Variants in ITGA5 observed in about 807,000 individuals in gnomAD.
ITGA5 encodes integrin subunit alpha 5.
Under a neutral mutation model 146.3 loss-of-function variants are expected in ITGA5, and 55 were observed. That is an observed-to-expected ratio of 0.38 (90% confidence interval 0.30 to 0.47). The LOEUF is 0.47. ITGA5 is among the 20% of genes least tolerant of loss of function. ITGA5 has a pLI of 0.99. For synonymous variants in ITGA5, 500 were observed against 531.8 expected (o/e 0.94, Z 0.82); for missense variants, 1,131 against 1,329.0 (o/e 0.85, Z 2.32).
chr12:54,403,896 G>A lies in ITGA5; in HGVS notation c.1621+15C>T, dbSNP rs368330900. ...TCTGTCCTAGGGCCTGAGAGATCCA[G>A]GCAGTCTCCCTCACCAATGGAGTCA... On this transcript the variant is annotated intron_variant, in intron 16 of 29. Transcript: ENST00000293379. This position sits in a 1 kb window ranked among gnomAD's most constrained non-coding sequence, Gnocchi z 4.9. The A allele has an allele frequency of 2.7e-5, 43 of 1,613,842 alleles. No homozygotes were observed. The highest frequency in any genetic ancestry group is 3.3e-5 in the Admixed American group (2 of 60,010).
Position 54,408,808 on chromosome 12 carries a change from G to A in ITGA5, c.646-7C>T. The A allele has an allele frequency of 6.2e-7, 1 of 1,613,972 alleles. No homozygotes were observed. Among genetic ancestry groups the A allele is most frequent in the Non-Finnish European group, 8.5e-7 (1 of 1,179,988 alleles). ...CTAAAACCACACGGCCAGTCTGTGG[G>A]TGAAAGGAGGGGAGTCCAACATCTG... On this transcript the variant is annotated splice_region_variant and splice_polypyrimidine_tract_variant and intron_variant, in intron 5 of 29. Transcript: ENST00000293379.
intron 27 of ITGA5, among the ~76,000 whole-genome samples, chr12:54,399,201 T>C (rs1955755329): frequency 6.6e-6 from 1 of 152,092 alleles, no homozygotes; most frequent in Admixed American, 6.5e-5. Flanking sequence ...AACTGAATAA[T>C]TGTAACTTGA....
At chr12:54,410,717 C>T (rs1356661664) in intron 2 of ITGA5, among the ~76,000 whole-genome samples, 1 of 150,412 alleles carries the variant, frequency 6.6e-6, no homozygotes, top group East Asian at 2.0e-4. Context: ...CACCACTATG[C>T]CTGGCTAATT....
Position 54,403,353 on chromosome 12 carries a change from T to G in ITGA5, c.1777-29A>C, listed in dbSNP as rs1236322294. ...GGGCCAGAGGAGAGAGTTCACGGAGTCAGGGGACTCTGGAGACTTAGTGGC... is the reference window on the plus strand; with the variant it reads ...GGGCCAGAGGAGAGAGTTCACGGAGGCAGGGGACTCTGGAGACTTAGTGGC... On this transcript the variant is annotated intron_variant, in intron 17 of 29. Transcript: ENST00000293379. The surrounding 1 kb of genome is among the most constrained non-coding windows in gnomAD (Gnocchi z 4.9). 1 of 1,501,162 alleles carries G rather than the reference T, an allele frequency of 6.7e-7. No individual in the cohort carries two copies. Among genetic ancestry groups the G allele is most frequent in the Non-Finnish European group, 8.9e-7 (1 of 1,125,088 alleles). The allele number at this position is 1,501,162 out of a possible 1,614,324, so 93.0% of individuals were successfully genotyped here. A position where few individuals can be genotyped will look rare whatever the true frequency, so the allele number is the denominator to read the frequency against.
intron 1 of ITGA5, among the ~76,000 whole-genome samples, chr12:54,414,936 G>A (rs530694796): frequency 6.6e-6 from 1 of 152,126 alleles, no homozygotes; most frequent in South Asian, 2.1e-4. Context: ...ATCACCTGAG[G>A]TCGGGAGTTT....
At position 54,403,337 on chromosome 12, in the gene ITGA5, G is replaced by A; in HGVS notation, c.1777-13C>T. 6.6e-7 allele frequency: 1 copy of A among 1,513,626 alleles called. No individual in the cohort carries two copies. 93.8% of individuals were successfully genotyped at this position (1,513,626 alleles called of 1,614,324 possible). On this transcript the variant is annotated splice_polypyrimidine_tract_variant and intron_variant, in intron 17 of 29. Coordinates refer to ENST00000293379, the MANE Select transcript of ITGA5 (RefSeq NM_002205.5). This position sits in a 1 kb window ranked among gnomAD's most constrained non-coding sequence, Gnocchi z 4.9. ...ATTCTGACTCGTTCTGGGGCCAGAG[G>A]AGAGAGTTCACGGAGTCAGGGGACT...
Position 54,401,888 on chromosome 12 carries a change from T to C in ITGA5, c.2227-33A>G. On this transcript the variant is annotated intron_variant, in intron 21 of 29. Transcript: ENST00000293379. The surrounding 1 kb of genome is among the most constrained non-coding windows in gnomAD (Gnocchi z 5.0). Reference sequence around the variant, plus strand: ...CAGAAAAAGAGGAAAAGAGGGCAGTTAGACTGTGTATTTCACCCTCCCTCC... The same window carrying C: ...CAGAAAAAGAGGAAAAGAGGGCAGTCAGACTGTGTATTTCACCCTCCCTCC... The C allele has an allele frequency of 4.4e-6, 7 of 1,608,752 alleles. No homozygotes were observed. Among genetic ancestry groups the C allele is most frequent in the Non-Finnish European group, 6.0e-6 (7 of 1,175,202 alleles).
At chr12:54,404,587 C>T (rs923146656) in intron 13 of ITGA5, 112 bp from the exon 14 acceptor site, 1 of 1,494,662 alleles carries the variant, frequency 6.7e-7, no homozygotes, top group African/African-American at 1.4e-5. Flanking sequence ...AGACAGCGCC[C>T]TCTGTTGGAA....
intron 1 of ITGA5, chr12:54,412,173 A>C (rs938867431): frequency 1.6e-5 from 7 of 433,328 alleles, no homozygotes; most frequent in South Asian, 8.4e-5. Context: ...CACTAACACA[A>C]CCCTCCCCTC....
At chr12:54,407,031 T>A (rs1021886295) in intron 9 of ITGA5, among the ~76,000 whole-genome samples, 1 of 152,202 alleles carries the variant, frequency 6.6e-6, no homozygotes, top group African/African-American at 2.4e-5. Context: ...TGTTCTCATA[T>A]GCAAAATACA....
chr12:54,403,202 G>C lies in ITGA5; in HGVS notation c.1899C>G (p.Ser633Arg). Residue 633 changes from serine (S) to arginine (R), a missense_variant, in exon 18 of 30, where the codon AGC becomes AGG. Coordinates refer to ENST00000293379, the MANE Select transcript of ITGA5 (RefSeq NM_002205.5). This position sits in a 1 kb window ranked among gnomAD's most constrained non-coding sequence, Gnocchi z 4.9. ...CTGTCCTCACCTTGTCCTCTATCCG[G>C]CTCTTGCTCTGATAATGTAGGGCTG... ...LRPALHYQSK[S>R]RIEDKAQILL... 1 of 1,559,636 alleles carries C rather than the reference G, an allele frequency of 6.4e-7. No individual in the cohort carries two copies. Among genetic ancestry groups the C allele is most frequent in the Admixed American group, 2.0e-5 (1 of 50,788 alleles).
intron 28 of ITGA5, among the ~76,000 whole-genome samples, chr12:54,398,082 G>A (rs1592282978): frequency 6.6e-6 from 1 of 152,152 alleles, no homozygotes; most frequent in South Asian, 2.1e-4. Context: ...ATTTTTTGTA[G>A]AGACAGGATC....
rs1309034830 is a variant in ITGA5, at chr12:54,405,248, A to T, written c.1143T>A (p.Leu381=). Residue 381 remains leucine, a synonymous_variant, in exon 12 of 30, where the codon CTT becomes CTA. Transcript: ENST00000293379. ...HPAGIEPTPT[L]TLTGHDEFGR... ...CAAACTCATCATGGCCAGTGAGGGT[A>T]AGGGTGGGCGTGGGCTCTATGCCGG... 2.5e-6 allele frequency: 4 copies of T among 1,613,728 alleles called. No homozygotes were observed. Among genetic ancestry groups the T allele is most frequent in the African/African-American group, 1.3e-5 (1 of 74,912 alleles).
chr12:54,399,949 T>A lies in ITGA5; in HGVS notation c.2644-2A>T, dbSNP rs150264488. ...GTGCAGGGAACCCTCGGGATCCAAC[T>A]ATAAAAGAAAGTGTTGGGCCCCTTT... On this transcript the variant is annotated splice_acceptor_variant, in intron 25 of 29. Coordinates refer to ENST00000293379, the MANE Select transcript of ITGA5 (RefSeq NM_002205.5). LOFTEE classifies it high-confidence loss of function. 4.3e-6 allele frequency: 7 copies of A among 1,612,104 alleles called. No homozygotes were observed. The African/African-American group carries it at 9.3e-5, about 22-fold the overall frequency.
chr12:54,398,962 C>A, intron 27 of ITGA5: 1 of 352,990 alleles, frequency 2.8e-6, no homozygotes, highest in Non-Finnish European at 5.1e-6. Context: ...GCCTCAGCCT[C>A]CCAAGTAGCT....
At chr12:54,402,601 T>C (rs184635560) in intron 19 of ITGA5, among the ~76,000 whole-genome samples, 91 of 151,802 alleles carry the variant, frequency 6.0e-4, no homozygotes, top group Non-Finnish European at 1.1e-3. Flanking sequence ...CTTGGGACGC[T>C]GAGGCAGAGA....
At position 54,404,211 on chromosome 12, in the gene ITGA5, G is replaced by A. The variant is rs1418769615; in HGVS notation, c.1499C>T (p.Thr500Ile). 1 of 1,602,522 alleles carries A rather than the reference G, an allele frequency of 6.2e-7. No homozygotes were observed. Among genetic ancestry groups the A allele is most frequent in the South Asian group, 1.1e-5 (1 of 89,088 alleles). Residue 500 changes from threonine (T) to isoleucine (I), a missense_variant, in exon 15 of 30, where the codon ACC becomes ATC. Transcript: ENST00000293379. ...RPIVSASASL[T>I]IFPAMFNPEE... ...TGGGTTGAACATGGCGGGGAAGATG[G>A]TGAGGGAGGCACTAGCGGACACGAT...
At position 54,402,101 on chromosome 12, in the gene ITGA5, T is replaced by C; in HGVS notation, c.2134-8A>G. On this transcript the variant is annotated splice_polypyrimidine_tract_variant and splice_region_variant and intron_variant, in intron 20 of 29. Transcript: ENST00000293379. ...GCTCAGGCTGGAGAAGTTCTGGAGA[T>C]GGGGTGGGCACTGGTCAGGTTTTGG... The C allele has an allele frequency of 1.2e-6, 2 of 1,614,042 alleles. No individual in the cohort carries two copies. Among genetic ancestry groups the C allele is most frequent in the Non-Finnish European group, 8.5e-7 (1 of 1,179,966 alleles).
chr12:54,399,584 G>T, intron 27 of ITGA5, 61 bp downstream of exon 27: 1 of 1,161,530 alleles, frequency 8.6e-7, no homozygotes, highest in Non-Finnish European at 1.3e-6. Flanking sequence ...TGGAGAAAGG[G>T]GTGGGTCAGT....
Sources: gnomAD v4.1 joint callset for allele counts (sites outside exome capture counted in the v4.1 genomes callset) on GRCh38, gnomAD v4.1.1 for gene constraint, Gnocchi (gnomAD v3.1) non-coding constraint, MANE v1.5 for transcripts, NCBI Gene and HGNC (gene_info 2026-07-23, HGNC 2026-07-21) for gene names.